Variants in SBNO2 observed in about 807,000 individuals in gnomAD.
SBNO2 encodes protein strawberry notch homolog 2.
A neutral mutation model predicts 146.3 loss-of-function variants in SBNO2; 89 were observed. The ratio of observed to expected loss-of-function variants is 0.61; its 90% CI spans 0.51 to 0.73. The LOEUF (loss-of-function observed/expected upper bound fraction) is 0.73. Ranked by LOEUF, SBNO2 falls within the 30% of genes least tolerant of loss-of-function variation. The probability of loss-of-function intolerance (pLI) is 0.00; values close to 1 mark genes in which losing one functional copy is unlikely to be tolerated. For missense variants in SBNO2, 2,092 were observed against 2,003.7 expected (o/e 1.04, Z -0.84); for synonymous variants, 1,147 against 892.6 (o/e 1.29, Z -5.08).
At chr19:1,132,159 G>T in intron 4 of SBNO2, 5 of 1,462,052 alleles carry the variant, frequency 3.4e-6, no homozygotes, top group Non-Finnish European at 4.5e-6. Flanking sequence ...GGGGGCCAGG[G>T]GTCCCCCAGG....
At chr19:1,121,849 T>C (rs1378611129) in intron 11 of SBNO2, among the ~76,000 whole-genome samples, 2 of 152,150 alleles carry the variant, frequency 1.3e-5, no homozygotes, top group Non-Finnish European at 2.9e-5. Context: ...CTGTGGTGAA[T>C]GATGATGGTC....
In SBNO2 at chr19:1,115,862, T is replaced by TGTGGCAAGG. The variant is rs746523413; in HGVS notation, c.1885+158_1885+159insCCTTGCCAC. 7 of 689,666 alleles carry TGTGGCAAGG rather than the reference T, an allele frequency of 1.0e-5. No homozygotes were observed. The South Asian group carries it at 1.1e-4, about 11-fold the overall frequency. 42.7% of individuals were successfully genotyped at this position (689,666 alleles called of 1,614,324 possible). ...TCCATGGCAGGGTCCACGCAAGACC[T>TGTGGCAAGG]GCCACTGGCAGCGGAGCCTTGAGCC... On this transcript the variant is annotated intron_variant, in intron 17 of 31. Coordinates refer to ENST00000361757, the MANE Select transcript of SBNO2 (RefSeq NM_014963.3).
rs572130017 is a variant in SBNO2 at position 1,113,589 on chromosome 19, G to A, written c.2193C>T (p.Val731=). The A allele has an allele frequency of 6.2e-7, 1 of 1,601,058 alleles. No homozygotes were observed. Among genetic ancestry groups the A allele is most frequent in the African/African-American group, 1.4e-5 (1 of 73,772 alleles). Residue 731 remains valine, a synonymous_variant, in exon 19 of 32, where the codon GTC becomes GTT. Transcript: ENST00000361757. ...KVRRLGRELP[V]NTLDELIDQL... ...GGTCGATGAGCTCGTCCAGGGTGTT[G>A]ACTGGCAGTTCCCGGCCCAGCCGCC...
At position 1,136,100 on chromosome 19, in the gene SBNO2, G is replaced by A. The variant is rs1296632562; in HGVS notation, c.280-8335C>T. Among the ~76,000 whole-genome samples, 2 of 152,192 alleles carry A rather than the reference G, an allele frequency of 1.3e-5. No individual in the cohort carries two copies. The highest frequency in any genetic ancestry group is 2.9e-5 in the Non-Finnish European group (2 of 68,018). ...GAAGGAGACACAGTCCCGGGGAGGA[G>A]GCCACGGGACACAGAAGCAGAGATC... On this transcript the variant is annotated intron_variant, in intron 4 of 31. Transcript: ENST00000361757. This position sits in a 1 kb window ranked among gnomAD's most constrained non-coding sequence, Gnocchi z 4.2.
At chr19:1,147,070 G>A (rs2145297012) in intron 4 of SBNO2, among the ~76,000 whole-genome samples, 1 of 152,204 alleles carries the variant, frequency 6.6e-6, no homozygotes. Flanking sequence ...TGCTCGCAGG[G>A]ACCCCAAGGG....
At chr19:1,120,512 G>A (rs2079888840) in intron 11 of SBNO2, among the ~76,000 whole-genome samples, 2 of 152,186 alleles carry the variant, frequency 1.3e-5, no homozygotes, top group South Asian at 4.1e-4. Flanking sequence ...GACTACAGGT[G>A]TGTGCCACCA....
chr19:1,113,093 G>A (rs2079786662), intron 19 of SBNO2, 144 bp from the exon 20 acceptor site: 9 of 981,232 alleles, frequency 9.2e-6, no homozygotes, highest in South Asian at 5.1e-5. Flanking sequence ...GGAAAGGGAG[G>A]GCGGGACTGC....
intron 6 of SBNO2, 68 bp downstream of exon 6, chr19:1,123,874 G>A (rs1406171166): frequency 4.1e-6 from 6 of 1,481,302 alleles, no homozygotes; most frequent in Admixed American, 2.0e-5. Context: ...GGAGATGCCT[G>A]TGCTGAGCCC....
At chr19:1,153,656 GC>G (rs2080262728) in intron 2 of SBNO2, among the ~76,000 whole-genome samples, 1 of 151,964 alleles carries the variant, frequency 6.6e-6, no homozygotes, top group Admixed American at 6.6e-5. Context: ...TCCTGCCTCA[GC>G]CTCCCGAGTA....
At chr19:1,138,373 A>G (rs998969761) in intron 4 of SBNO2, among the ~76,000 whole-genome samples, 3 of 151,770 alleles carry the variant, frequency 2.0e-5, no homozygotes, top group Non-Finnish European at 4.4e-5. Context: ...GGTGGGCTGC[A>G]GCAGCAAGGG....
intron 3 of SBNO2, 88 bp from the exon 4 acceptor site, chr19:1,147,508 G>C: frequency 7.5e-6 from 5 of 668,296 alleles, no homozygotes; most frequent in Non-Finnish European, 1.2e-5. Context: ...GCCGCAGCCA[G>C]AGGCCCCTCG....
At chr19:1,115,648 C>G (rs2079821773) in intron 17 of SBNO2, 3 of 329,760 alleles carry the variant, frequency 9.1e-6, no homozygotes, top group African/African-American at 2.2e-5. Flanking sequence ...CGACAGGCAG[C>G]TCTGGGCTTC....
In SBNO2 at chr19:1,144,904, GGAGATGGAGACA is replaced by G. The variant is rs900670840; in HGVS notation, c.279+2393_279+2404del. Among the ~76,000 whole-genome samples the G allele has an allele frequency of 9.6e-6, 1 of 103,892 alleles. No individual in the cohort carries two copies. The highest frequency in any genetic ancestry group is 5.6e-5 in the African/African-American group (1 of 17,986). 68.2% of individuals were successfully genotyped at this position (103,892 alleles called of 152,430 possible). A position where few individuals can be genotyped will look rare whatever the true frequency, so the allele number is the denominator to read the frequency against. ...GAGAGGGAGACAGAGAGACAGAGGCGGAGATGGAGACAGAGACAGAGAGACAGAGACAGAGAG... is the reference window on the plus strand; with the variant it reads ...GAGAGGGAGACAGAGAGACAGAGGCGGAGACAGAGAGACAGAGACAGAGAG... On this transcript the variant is annotated intron_variant, in intron 4 of 31. Coordinates refer to ENST00000361757, the MANE Select transcript of SBNO2 (RefSeq NM_014963.3). The surrounding 1 kb of genome is among the most constrained non-coding windows in gnomAD (Gnocchi z 4.1).
In SBNO2 at chr19:1,108,560, C is replaced by G; in HGVS notation, c.3761G>C (p.Gly1254Ala). ...GCTGTAGGTGAGGTCCAGCACCTCT[C>G]CGGGGCCGCAAGGCAGCGCCAGCGG... ...PRPLALPCGP[G>A]EVLDLTYSPP... The change falls in exon 32 of 32, where the codon GGA (glycine) becomes GCA (alanine). Residue 1254 changes from glycine to alanine, a missense_variant. By Grantham distance (60) the Gly-to-Ala change is moderately conservative. Coordinates refer to ENST00000361757, the MANE Select transcript of SBNO2 (RefSeq NM_014963.3). 1 of 1,245,972 alleles carries G rather than the reference C, an allele frequency of 8.0e-7. No individual in the cohort carries two copies. The highest frequency in any genetic ancestry group is 1.0e-6 in the Non-Finnish European group (1 of 996,046). 77.2% of individuals were successfully genotyped at this position (1,245,972 alleles called of 1,614,324 possible).
intron 19 of SBNO2, among the ~76,000 whole-genome samples, 166 bp from the exon 20 acceptor site, chr19:1,113,115 G>C (rs1388016895): frequency 6.6e-6 from 1 of 152,190 alleles, no homozygotes; most frequent in African/African-American, 2.4e-5. Context: ...GGACCCAGGC[G>C]ATGTGTGCCT....
intron 4 of SBNO2, among the ~76,000 whole-genome samples, chr19:1,145,935 T>A (rs965111668): frequency 6.6e-6 from 1 of 152,016 alleles, no homozygotes; most frequent in African/African-American, 2.4e-5. Context: ...AGGACAGGAA[T>A]CCACCCTCTT....
Position 1,116,929 on chromosome 19 carries a change from G to A in SBNO2, c.1705-3C>T, listed in dbSNP as rs757467837. The A allele has an allele frequency of 1.9e-6, 3 of 1,551,714 alleles. No homozygotes were observed. In the South Asian group the frequency reaches 3.5e-5, roughly 18 times the overall value. Reference sequence around the variant, plus strand: ...GACTGCAGCCCGATGACCACGCACTGTGGGACGGCAGAGGACTGTGAGCCA... The same window carrying A: ...GACTGCAGCCCGATGACCACGCACTATGGGACGGCAGAGGACTGTGAGCCA... On this transcript the variant is annotated splice_region_variant and splice_polypyrimidine_tract_variant and intron_variant, in intron 15 of 31. Transcript: ENST00000361757.
chr19:1,132,425 A>C (rs2286401), intron 4 of SBNO2, among the ~76,000 whole-genome samples: 19,925 of 152,104 alleles, frequency 0.13, 2,025 homozygotes, highest in African/African-American at 0.28. Context: ...TCAACACGCA[A>C]CCCCACCCGT....
intron 4 of SBNO2, among the ~76,000 whole-genome samples, chr19:1,145,938 A>G (rs2080185695): frequency 6.6e-6 from 1 of 151,770 alleles, no homozygotes; most frequent in Non-Finnish European, 1.5e-5. Flanking sequence ...ACAGGAATCC[A>G]CCCTCTTCCC....
Sources: allele counts gnomAD v4.1 joint callset (sites outside exome capture counted in the v4.1 genomes callset), GRCh38; gene constraint gnomAD v4.1.1; non-coding constraint Gnocchi (gnomAD v3.1); transcripts MANE v1.5; gene names NCBI Gene and HGNC (gene_info 2026-07-23, HGNC 2026-07-21).